The following ADGRL3 variants were observed in gnomAD, a reference collection of about 807,000 sequenced individuals.
The protein encoded by ADGRL3 is adhesion G protein-coupled receptor L3.
ADGRL3 carries 62 observed loss-of-function variants against 153.5 expected under a neutral mutation model. The ratio of observed to expected loss-of-function variants is 0.40; its 90% CI spans 0.33 to 0.50. The LOEUF (loss-of-function observed/expected upper bound fraction) is 0.50. Among genes scored for constraint, ADGRL3 ranks in the 20% least tolerant of loss-of-function variants. ADGRL3 has a pLI of 0.47. For synonymous variants in ADGRL3, 710 were observed against 672.5 expected (o/e 1.06, Z -0.86); for missense variants, 1,641 against 1,859.4 (o/e 0.88, Z 2.16).
At position 61,895,774 on chromosome 4, in the gene ADGRL3, T is replaced by A. The variant is rs1581353297; in HGVS notation, c.1827T>A (p.Asp609Glu). ...GCCTTGCTCCTGATGGAATTTGGGA[T>A]CCCCAAGGTCCAGATCTCAGCAACT... Reference protein sequence around the residue: ...YLCLAPDGIWDPQGPDLSNCS... With the variant: ...YLCLAPDGIWEPQGPDLSNCS... Residue 609 changes from aspartate (D) to glutamate (E), a missense_variant, in exon 11 of 27, where the codon GAT (aspartate) becomes GAA (glutamate). Coordinates refer to ENST00000683033, the MANE Select transcript of ADGRL3 (RefSeq NM_001387552.1). The A allele has an allele frequency of 1.2e-6, 2 of 1,601,530 alleles. No individual in the cohort carries two copies. The highest frequency in any genetic ancestry group is 1.7e-6 in the Non-Finnish European group (2 of 1,173,306).
chr4:61,649,136 TG>T (rs2094154009), intron 5 of ADGRL3, among the ~76,000 whole-genome samples: 1 of 152,018 alleles, frequency 6.6e-6, no homozygotes, highest in African/African-American at 2.4e-5. Context: ...GCAGTTAAAA[TG>T]TATTTTGGAA....
At chr4:62,023,478 A>G (rs140670585) in intron 21 of ADGRL3, among the ~76,000 whole-genome samples, 172 of 152,274 alleles carry the variant, frequency 1.1e-3, no homozygotes, top group African/African-American at 3.9e-3. Context: ...AAGAAGTTCT[A>G]TTGTGAGTAA....
intron 8 of ADGRL3, among the ~76,000 whole-genome samples, chr4:61,768,171 T>A (rs1313139604): frequency 6.6e-6 from 1 of 152,092 alleles, no homozygotes; most frequent in Non-Finnish European, 1.5e-5. Context: ...GACTATGCCT[T>A]TGGCTCCAGC....
At chr4:61,671,336 A>G (rs543831648) in intron 5 of ADGRL3, among the ~76,000 whole-genome samples, 2 of 152,308 alleles carry the variant, frequency 1.3e-5, no homozygotes, top group Admixed American at 1.3e-4. Flanking sequence ...CTTTCCTAAT[A>G]CTAATCCTGT....
chr4:61,351,692 A>G (rs2096054947), intron 1 of ADGRL3, among the ~76,000 whole-genome samples: 1 of 152,134 alleles, frequency 6.6e-6, no homozygotes, highest in Non-Finnish European at 1.5e-5. Flanking sequence ...CCTGGATGAC[A>G]GCACATCTGT....
At chr4:62,038,452 T>G (rs1464134079) in intron 24 of ADGRL3, among the ~76,000 whole-genome samples, 12 of 152,114 alleles carry the variant, frequency 7.9e-5, no homozygotes, top group Admixed American at 7.2e-4. Flanking sequence ...TTAGGTAAAC[T>G]GTGTGCCATT....
intron 9 of ADGRL3, among the ~76,000 whole-genome samples, chr4:61,870,732 CTA>C (rs2098438904): frequency 6.6e-6 from 1 of 152,142 alleles, no homozygotes; most frequent in South Asian, 2.1e-4. Context: ...ACAATCAAAA[CTA>C]TAATGCAATA....
At chr4:61,888,115 G>A (rs2098549803) in intron 9 of ADGRL3, among the ~76,000 whole-genome samples, 1 of 152,144 alleles carries the variant, frequency 6.6e-6, no homozygotes, top group Admixed American at 6.6e-5. Flanking sequence ...AAAATGCTAA[G>A]AAGGAGTTTT....
At chr4:61,254,632 G>T (rs753319570) in intron 1 of ADGRL3, among the ~76,000 whole-genome samples, 6 of 152,086 alleles carry the variant, frequency 3.9e-5, no homozygotes, top group Non-Finnish European at 7.4e-5. Flanking sequence ...CTGCACGGTT[G>T]TACAAGTGTG....
At chr4:61,906,675 T>C (rs533795181) in intron 11 of ADGRL3, among the ~76,000 whole-genome samples, 29 of 152,104 alleles carry the variant, frequency 1.9e-4, no homozygotes, top group Non-Finnish European at 4.0e-4. Context: ...GAGGTGATAT[T>C]CATTGAAACA....
chr4:61,487,383 C>A (rs1402614951), intron 2 of ADGRL3, among the ~76,000 whole-genome samples: 1 of 152,092 alleles, frequency 6.6e-6, no homozygotes, highest in African/African-American at 2.4e-5. Context: ...TAGTTAGAAG[C>A]AATTAAATGA....
At chr4:61,392,640 T>A (rs1372814211) in intron 2 of ADGRL3, among the ~76,000 whole-genome samples, 1 of 119,054 alleles carries the variant, frequency 8.4e-6, no homozygotes, top group Non-Finnish European at 1.6e-5. Flanking sequence ...GAGCCCAGAT[T>A]GCGCCACTGC....
At chr4:62,047,194 G>T (rs913544098) in intron 25 of ADGRL3, among the ~76,000 whole-genome samples, 3 of 151,540 alleles carry the variant, frequency 2.0e-5, no homozygotes, top group African/African-American at 7.3e-5. Context: ...TTCTTGGTAA[G>T]TTAGATGTAT....
intron 1 of ADGRL3, among the ~76,000 whole-genome samples, chr4:61,278,883 A>T (rs1477583818): frequency 6.6e-6 from 1 of 152,200 alleles, no homozygotes; most frequent in Non-Finnish European, 1.5e-5. Flanking sequence ...AAAGGAACAG[A>T]TAGGAGCAAG....
At chr4:61,334,769 C>T (rs188547868) in intron 1 of ADGRL3, among the ~76,000 whole-genome samples, 4 of 151,934 alleles carry the variant, frequency 2.6e-5, no homozygotes, top group African/African-American at 2.4e-5. Context: ...ATATAAAGTA[C>T]GTCTTTTTCA....
intron 8 of ADGRL3, among the ~76,000 whole-genome samples, chr4:61,767,632 T>A (rs1198718835): frequency 6.6e-6 from 1 of 152,124 alleles, no homozygotes; most frequent in Non-Finnish European, 1.5e-5. Flanking sequence ...TGGGAGTGGC[T>A]GCCAGGTGAG....
chr4:61,490,166 T>A (rs2098242538), intron 2 of ADGRL3, among the ~76,000 whole-genome samples: 1 of 152,058 alleles, frequency 6.6e-6, no homozygotes, highest in Non-Finnish European at 1.5e-5. Context: ...TTGAGTGAGA[T>A]CTTAGCCATT....
chr4:61,719,361 T>C (rs1377562963), intron 6 of ADGRL3, among the ~76,000 whole-genome samples: 1 of 152,152 alleles, frequency 6.6e-6, no homozygotes, highest in Non-Finnish European at 1.5e-5. Flanking sequence ...GTTAAGCCAA[T>C]GGAATCATGC....
chr4:61,819,800 T>A (rs1309442355), intron 9 of ADGRL3, among the ~76,000 whole-genome samples: 2 of 152,132 alleles, frequency 1.3e-5, no homozygotes, highest in South Asian at 2.1e-4. Context: ...GATTACTTGA[T>A]ACTTACTTTT....
Sources: gnomAD v4.1 joint callset for allele counts (sites outside exome capture counted in the v4.1 genomes callset) on GRCh38, gnomAD v4.1.1 for gene constraint, MANE v1.5 for transcripts, NCBI Gene and HGNC (gene_info 2026-07-23, HGNC 2026-07-21) for gene names.